The following FBXO42 variants were observed in gnomAD, a reference collection of about 807,000 sequenced individuals.
FBXO42 encodes F-box protein 42.
Under a neutral mutation model 71.7 loss-of-function variants are expected in FBXO42, and 12 were observed. The ratio of observed to expected loss-of-function variants is 0.17; its 90% confidence interval spans 0.11 to 0.27. FBXO42 has a LOEUF of 0.27. FBXO42 is among the 10% of genes least tolerant of loss of function. FBXO42 has a pLI of 1.00. For synonymous variants in FBXO42, 325 were observed against 327.5 expected, an observed-to-expected ratio of 0.99 and a Z score of 0.08; for missense variants, 707 against 911.9, an observed-to-expected ratio of 0.78 and a Z score of 2.89.
intron 1 of FBXO42, among the ~76,000 whole-genome samples, chr1:16,342,581 C>CA (rs58125011): frequency 0.54 from 67,773 of 125,014 alleles, 19,605 homozygotes; most frequent in East Asian, 0.86. Context: ...GATCCTGTCT[C>CA]AAAAAAAAAA....
intron 1 of FBXO42, among the ~76,000 whole-genome samples, chr1:16,336,437 C>T (rs2082554196): frequency 6.6e-6 from 1 of 151,548 alleles, no homozygotes; most frequent in South Asian, 2.1e-4. Flanking sequence ...TGGCTCATTG[C>T]AACCTCCACC....
chr1:16,258,637 G>T (rs1479927804), intron 4 of FBXO42, among the ~76,000 whole-genome samples: 2 of 152,146 alleles, frequency 1.3e-5, no homozygotes, highest in Non-Finnish European at 2.9e-5. Context: ...GATTACAGGT[G>T]TAAGCCACTG....
intron 1 of FBXO42, among the ~76,000 whole-genome samples, chr1:16,334,440 A>G (rs1468561284): frequency 6.7e-6 from 1 of 150,352 alleles, no homozygotes; most frequent in Admixed American, 6.7e-5. Context: ...AAAAAAAAAA[A>G]CAGACTGATT....
intron 1 of FBXO42, among the ~76,000 whole-genome samples, chr1:16,325,007 A>G (rs1441125646): frequency 6.6e-6 from 1 of 151,836 alleles, no homozygotes; most frequent in Non-Finnish European, 1.5e-5. Context: ...AGAGGCCAAA[A>G]CAGGCAGATT....
chr1:16,345,141 G>C (rs1473866535), intron 1 of FBXO42, among the ~76,000 whole-genome samples: 12 of 151,876 alleles, frequency 7.9e-5, no homozygotes, highest in Admixed American at 3.3e-4. Flanking sequence ...TATATTTTCT[G>C]AGCCAGGCGC....
rs569130895 is a variant in FBXO42, at chr1:16,306,301, G to A, written c.251-382C>T. ...CAAAGTGCTGAGATTACAGGCATGA[G>A]CCACCGCGCCCAGCCTATAAGACAA... On this transcript the variant is annotated intron_variant, in intron 2 of 9. Coordinates refer to ENST00000375592, the MANE Select transcript of FBXO42 (RefSeq NM_018994.3). 1.3e-3 allele frequency among the ~76,000 whole-genome samples: 195 copies of A among 152,272 alleles called. 1 individual carries two copies. The highest frequency in any genetic ancestry group is 6.8e-3 in the Middle Eastern group (2 of 294).
rs1021410959 is a variant in FBXO42, at chr1:16,277,499, C to T, written c.502+17284G>A. 1.5e-4 allele frequency among the ~76,000 whole-genome samples: 23 copies of T among 150,108 alleles called. 1 individual carries two copies. Among genetic ancestry groups the T allele is most frequent in the African/African-American group, 4.4e-4 (18 of 40,800 alleles). ...CAGCATTTTGGGGGGCCGAGGCAAG[C>T]GGATCACTTGAGCTCAGAAGTTTGA... On this transcript the variant is annotated intron_variant, in intron 4 of 9. Coordinates refer to ENST00000375592, the MANE Select transcript of FBXO42 (RefSeq NM_018994.3).
rs2100413430 is a variant in FBXO42, at chr1:16,246,882, C to T, written c.*3788G>A. 1 of 152,294 alleles carries T rather than the reference C, an allele frequency of 6.6e-6. No individual in the cohort carries two copies. Among genetic ancestry groups the T allele is most frequent in the East Asian group, 1.9e-4 (1 of 5,186 alleles). The allele number at this position is 152,294 out of a possible 1,614,324, so 9.4% of individuals were successfully genotyped here. A position where few individuals can be genotyped will look rare whatever the true frequency, so the allele number is the denominator to read the frequency against. ...TTTATTTGTTAAATTGCTAAAAAGT[C>T]ATCAGGGGAAAACATTAACAAAAAA... is the stretch of plus-strand genomic sequence containing the variant. On this transcript the variant is annotated 3_prime_UTR_variant, in exon 10 of 10. Coordinates refer to ENST00000375592, the MANE Select transcript of FBXO42 (RefSeq NM_018994.3).
rs137889001 is a variant in FBXO42, at chr1:16,315,396, T to G, written c.23A>C (p.Glu8Ala). 3 of 1,614,036 alleles carry G rather than the reference T, an allele frequency of 1.9e-6. No homozygotes were observed. The highest frequency in any genetic ancestry group is 1.3e-5 in the African/African-American group (1 of 74,912). Residue 8 changes from glutamate to alanine, a missense_variant, in exon 2 of 10, where the codon GAA becomes GCA. Glu to Ala is a moderately radical substitution (Grantham distance 107). Around this residue, in one of 5 missense-constraint regions of FBXO42, gnomAD observed 188 missense variants for 230.5 expected, o/e 0.82. Coordinates refer to ENST00000375592, the MANE Select transcript of FBXO42 (RefSeq NM_018994.3). ...GTCCACAGCCATGAAACTGTCATCT[T>G]CACTGTCCGAGGAGCTGGCCATGAC... MASSSDS[E>A]DDSFMAVDQE... is the part of the protein sequence containing the mutation.
chr1:16,309,242 T>A (rs2082287662), intron 2 of FBXO42, among the ~76,000 whole-genome samples: 1 of 151,064 alleles, frequency 6.6e-6, no homozygotes, highest in African/African-American at 2.4e-5. Flanking sequence ...TAATTTTTTT[T>A]TTCTTTTTGT....
At chr1:16,308,562 C>G (rs1266049603) in intron 2 of FBXO42, among the ~76,000 whole-genome samples, 1 of 148,900 alleles carries the variant, frequency 6.7e-6, no homozygotes, top group South Asian at 2.1e-4. Flanking sequence ...TGCAGTGGCA[C>G]GATCCCCGTT....
intron 4 of FBXO42, among the ~76,000 whole-genome samples, chr1:16,258,363 CTT>C (rs5772663): frequency 4.3e-4 from 63 of 146,464 alleles, no homozygotes; most frequent in Non-Finnish European, 4.1e-4. Context: ...TTTCTTCTTC[CTT>C]TTTTTTTTTT....
intron 4 of FBXO42, among the ~76,000 whole-genome samples, chr1:16,289,374 C>T (rs1043256455): frequency 1.9e-4 from 29 of 151,144 alleles, no homozygotes; most frequent in Admixed American, 1.2e-3. Context: ...TGCCACTGCA[C>T]TCCAGCTTTG....
At chr1:16,335,664 G>A (rs542869259) in intron 1 of FBXO42, among the ~76,000 whole-genome samples, 61 of 151,964 alleles carry the variant, frequency 4.0e-4, no homozygotes, top group Middle Eastern at 3.4e-3. Context: ...TCAGGAGTTC[G>A]AGACCAGCCT....
chr1:16,324,771 G>A (rs561849772), intron 1 of FBXO42, among the ~76,000 whole-genome samples: 108 of 151,418 alleles, frequency 7.1e-4, no homozygotes, highest in Middle Eastern at 3.5e-3. Flanking sequence ...AGCCAAGATC[G>A]CGCAACTACA....
chr1:16,338,087 G>A (rs2082569271), intron 1 of FBXO42, among the ~76,000 whole-genome samples: 2 of 150,572 alleles, frequency 1.3e-5, no homozygotes, highest in African/African-American at 4.9e-5. Flanking sequence ...GTGAAACCCC[G>A]TCTCCACTAA....
chr1:16,251,071 G>C lies in FBXO42; in HGVS notation c.1753C>G (p.Pro585Ala). 6.2e-7 allele frequency: 1 copy of C among 1,614,188 alleles called. No individual in the cohort carries two copies. ...AAACTCTGGCTCCCAGGAGAGCCTG[G>C]AGAAGACCCAAGAGGAGGACTTAGT... The part of the protein sequence containing the change: ...AALSPPLGSS[P>A]GSPGSQSLSS... Residue 585 changes from proline to alanine, a missense_variant, in exon 10 of 10, where the codon CCA (proline) becomes GCA (alanine). This residue lies in a region of FBXO42 where 482 missense variants were observed against 587.1 expected (regional missense o/e 0.82). Coordinates refer to ENST00000375592, the MANE Select transcript of FBXO42 (RefSeq NM_018994.3). This position sits in a 1 kb window ranked among gnomAD's most constrained non-coding sequence, Gnocchi z 4.5.
chr1:16,304,731 G>A (rs1369019120), intron 3 of FBXO42, among the ~76,000 whole-genome samples: 1 of 152,152 alleles, frequency 6.6e-6, no homozygotes, highest in Non-Finnish European at 1.5e-5. Flanking sequence ...CACTTTGGGA[G>A]GCCGAGGTGG....
At chr1:16,348,067 C>T (rs2082667126) in intron 1 of FBXO42, among the ~76,000 whole-genome samples, 1 of 151,600 alleles carries the variant, frequency 6.6e-6, no homozygotes, top group South Asian at 2.1e-4. Flanking sequence ...AAGCTTAATG[C>T]TGGACAATTT....
Sources: allele counts gnomAD v4.1 joint callset (sites outside exome capture counted in the v4.1 genomes callset), GRCh38; gene constraint gnomAD v4.1.1; regional missense constraint gnomAD v4.1.1; non-coding constraint Gnocchi (gnomAD v3.1); transcripts MANE v1.5; gene names NCBI Gene and HGNC (gene_info 2026-07-23, HGNC 2026-07-21).